Variants in GRIA1 observed in about 807,000 individuals in gnomAD.
GRIA1 encodes glutamate ionotropic receptor AMPA type subunit 1.
Under a neutral mutation model 99.2 loss-of-function variants are expected in GRIA1, and 31 were observed. That is an observed-to-expected ratio of 0.31 (90% CI 0.23 to 0.42). The LOEUF is 0.42. GRIA1 is among the 10% of genes least tolerant of loss of function. The pLI is 1.00. For synonymous variants in GRIA1, 438 were observed against 432.4 expected (o/e 1.01, Z -0.16); for missense variants, 782 against 1,157.5 (o/e 0.68, Z 4.71).
intron 2 of GRIA1, among the ~76,000 whole-genome samples, chr5:153,620,708 A>G (rs1766960408): frequency 6.6e-6 from 1 of 152,170 alleles, no homozygotes; most frequent in African/African-American, 2.4e-5. Flanking sequence ...GTACCTATTT[A>G]TAAAATGGGG....
chr5:153,614,465 C>T (rs574245078), intron 2 of GRIA1, among the ~76,000 whole-genome samples: 77 of 152,226 alleles, frequency 5.1e-4, no homozygotes, highest in African/African-American at 1.6e-3. Flanking sequence ...ACAATTATCC[C>T]GTAAAGTAGG....
At chr5:153,799,787 G>A (rs559710088) in intron 14 of GRIA1, among the ~76,000 whole-genome samples, 24 of 152,180 alleles carry the variant, frequency 1.6e-4, no homozygotes, top group South Asian at 1.2e-3. Context: ...TCCCTGGGCC[G>A]GAGACCTTCT....
rs1405934693 is a variant in GRIA1, at chr5:153,492,308, TGTGTACGTATCTGTGTGTTA to T, written c.82+1342_82+1361del. On this transcript the variant is annotated intron_variant, in intron 1 of 15. Coordinates refer to ENST00000285900, the MANE Select transcript of GRIA1 (RefSeq NM_000827.4). The stretch of plus-strand genomic sequence containing the variant: ...ACACCTGTTAAGCTACATCCTGAAG[TGTGTACGTATCTGTGTGTTA>T]GTGCCTAACACGCAAAACTTCCTGC... 5 of 1,533,826 alleles carry T rather than the reference TGTGTACGTATCTGTGTGTTA, an allele frequency of 3.3e-6. No homozygotes were observed. In the African/African-American group the frequency reaches 6.8e-5, roughly 21 times the overall value.
intron 2 of GRIA1, among the ~76,000 whole-genome samples, chr5:153,521,049 C>G (rs1441009684): frequency 6.6e-6 from 1 of 152,106 alleles, no homozygotes; most frequent in Non-Finnish European, 1.5e-5. Context: ...ATCACTACCC[C>G]AGAATTCAAA....
At chr5:153,652,749 T>C (rs987154038) in intron 4 of GRIA1, among the ~76,000 whole-genome samples, 3 of 152,226 alleles carry the variant, frequency 2.0e-5, no homozygotes, top group Non-Finnish European at 4.4e-5. Flanking sequence ...GATCACTTGA[T>C]TCTTTGCTTA....
chr5:153,723,959 C>A (rs554349751), intron 11 of GRIA1, among the ~76,000 whole-genome samples: 1 of 152,228 alleles, frequency 6.6e-6, no homozygotes, highest in Non-Finnish European at 1.5e-5. Flanking sequence ...AGTCCCTAAC[C>A]CCTGACCCCC....
At position 153,699,072 on chromosome 5, in the gene GRIA1, G is replaced by A; in HGVS notation, c.1451G>A (p.Gly484Glu). 1 of 1,608,978 alleles carries A rather than the reference G, an allele frequency of 6.2e-7. No homozygotes were observed. Among genetic ancestry groups the A allele is most frequent in the East Asian group, 2.2e-5 (1 of 44,766 alleles). The change falls in exon 10 of 16, where the codon GGA becomes GAA. Residue 484 changes from glycine to glutamate, a missense_variant and splice_region_variant. Around this residue, in one of 5 missense-constraint regions of GRIA1, gnomAD observed 87 missense variants for 184.5 expected, o/e 0.47. Transcript: ENST00000285900. ...WNGMVGELVY[G>E]RADVAVAPLT... The stretch of plus-strand genomic sequence containing the variant: ...GGCATGGTGGGAGAGCTGGTCTATG[G>A]AGTAAGTTCACTGCAGGGTGGGAAA...
chr5:153,758,409 C>G (rs1762961981), intron 11 of GRIA1, among the ~76,000 whole-genome samples: 1 of 151,680 alleles, frequency 6.6e-6, no homozygotes, highest in Non-Finnish European at 1.5e-5. Flanking sequence ...GGAGTAGTCA[C>G]ACTTATATCA....
intron 11 of GRIA1, among the ~76,000 whole-genome samples, chr5:153,724,716 G>A (rs1404944728): frequency 1.3e-5 from 2 of 152,066 alleles, no homozygotes; most frequent in Non-Finnish European, 2.9e-5. Context: ...AAAAAGAAAT[G>A]AACAAAGCCT....
intron 2 of GRIA1, among the ~76,000 whole-genome samples, chr5:153,574,663 T>C (rs1762386291): frequency 1.3e-5 from 2 of 152,158 alleles, no homozygotes. Flanking sequence ...ATTGATTATC[T>C]GTTGGTAGAA....
At chr5:153,722,030 G>A (rs1377032517) in intron 11 of GRIA1, among the ~76,000 whole-genome samples, 1 of 152,308 alleles carries the variant, frequency 6.6e-6, no homozygotes, top group East Asian at 1.9e-4. Flanking sequence ...TAGATGAGTT[G>A]TAGGATCACA....
chr5:153,612,168 A>C (rs1200457949), intron 2 of GRIA1, among the ~76,000 whole-genome samples: 1 of 152,248 alleles, frequency 6.6e-6, no homozygotes, highest in Non-Finnish European at 1.5e-5. Flanking sequence ...CCTAGGTGGG[A>C]ATGAATAATC....
At chr5:153,607,806 C>T (rs1765591289) in intron 2 of GRIA1, among the ~76,000 whole-genome samples, 1 of 151,972 alleles carries the variant, frequency 6.6e-6, no homozygotes, top group Non-Finnish European at 1.5e-5. Context: ...ATTGTTGTTG[C>T]TGCTCTTTTA....
At chr5:153,588,083 A>G (rs914105108) in intron 2 of GRIA1, among the ~76,000 whole-genome samples, 2 of 152,204 alleles carry the variant, frequency 1.3e-5, no homozygotes, top group Admixed American at 6.5e-5. Context: ...ATATTCTTCA[A>G]TGGAAGGACC....
At chr5:153,593,223 C>T (rs1203320373) in intron 2 of GRIA1, among the ~76,000 whole-genome samples, 4 of 152,150 alleles carry the variant, frequency 2.6e-5, no homozygotes, top group Admixed American at 6.5e-5. Context: ...GCTGACATCA[C>T]GCCACTGCCC....
At chr5:153,747,803 A>G (rs1338104894) in intron 11 of GRIA1, among the ~76,000 whole-genome samples, 1 of 152,194 alleles carries the variant, frequency 6.6e-6, no homozygotes, top group Non-Finnish European at 1.5e-5. Flanking sequence ...CCACCTCTGC[A>G]TGTCCTTAGC....
At chr5:153,730,728 A>G (rs6580032) in intron 11 of GRIA1, among the ~76,000 whole-genome samples, 80,591 of 151,950 alleles carry the variant, frequency 0.53, 22,395 homozygotes, top group East Asian at 0.94. Context: ...AAAGCGGTAG[A>G]TAACACATTG....
chr5:153,508,860 T>C (rs899827803), intron 2 of GRIA1, among the ~76,000 whole-genome samples: 3 of 97,070 alleles, frequency 3.1e-5, no homozygotes, highest in African/African-American at 5.9e-5. Context: ...CACTGTAGGA[T>C]AGGTTAAGGC....
chr5:153,764,708 A>G, intron 12 of GRIA1, 76 bp downstream of exon 12: 2 of 1,031,192 alleles, frequency 1.9e-6, no homozygotes, highest in Middle Eastern at 2.1e-4. Flanking sequence ...TTCTCATTAT[A>G]TAGCCTGAGA....
Sources: allele counts gnomAD v4.1 joint callset (sites outside exome capture counted in the v4.1 genomes callset), GRCh38; gene constraint gnomAD v4.1.1; regional missense constraint gnomAD v4.1.1; transcripts MANE v1.5; gene names NCBI Gene and HGNC (gene_info 2026-07-23, HGNC 2026-07-21).